ALDH2: variants seen among roughly 807,000 people sequenced by gnomAD.
ALDH2 encodes the protein aldehyde dehydrogenase 2 family member, also known as aldehyde dehydrogenase, mitochondrial.
ALDH2 carries 44 observed loss-of-function variants against 59.6 expected under a neutral mutation model. That is an observed-to-expected ratio of 0.74 (90% CI 0.58 to 0.95). The LOEUF is 0.95. Ranked by LOEUF, ALDH2 falls within the 40% of genes least tolerant of loss-of-function variation. The pLI, the probability that ALDH2 is intolerant of heterozygous loss-of-function variation, is 0.00. For missense variants in ALDH2, 570 were observed against 696.3 expected, an observed-to-expected ratio of 0.82 and a Z score of 2.04; for synonymous variants, 291 against 284.0, an observed-to-expected ratio of 1.02 and a Z score of -0.25.
chr12:111,799,774 C>T (rs1324423035), intron 10 of ALDH2, 132 bp from the exon 11 acceptor site: 7 of 1,127,422 alleles, frequency 6.2e-6, no homozygotes, highest in Non-Finnish European at 8.6e-6. Flanking sequence ...TGGCTGTTGT[C>T]TTCCCCTGGA....
chr12:111,796,515 G>T (rs112409341), intron 9 of ALDH2, among the ~76,000 whole-genome samples: 165 of 152,124 alleles, frequency 1.1e-3, no homozygotes, highest in African/African-American at 3.8e-3. Context: ...TTAAAAAAAG[G>T]TATTTAATGT....
Position 111,803,915 on chromosome 12 carries a change from C to A in ALDH2, c.1463C>A (p.Ser488Ter). The change falls in exon 12 of 13, where the codon TCG becomes TAG. Residue 488 changes from serine (S) to a stop codon, truncating the protein, a stop_gained. Transcript: ENST00000261733. LOFTEE classifies it high-confidence loss of function. ...AQSPFGGYKM[S>*]GSGRELGEYG... Reference sequence around the variant, plus strand: ...TCACCCTTTGGTGGCTACAAGATGTCGGGGAGTGGCCGGGAGTTGGGCGAG... The same window carrying A: ...TCACCCTTTGGTGGCTACAAGATGTAGGGGAGTGGCCGGGAGTTGGGCGAG... 1 of 1,613,190 alleles carries A rather than the reference C, an allele frequency of 6.2e-7. No homozygotes were observed. The highest frequency in any genetic ancestry group is 1.1e-5 in the South Asian group (1 of 90,938).
chr12:111,784,079 G>A (rs913552729), intron 3 of ALDH2, among the ~76,000 whole-genome samples: 2 of 152,178 alleles, frequency 1.3e-5, no homozygotes, highest in Non-Finnish European at 1.5e-5. Flanking sequence ...CATGGCATGC[G>A]GTGTCCTTAG....
At chr12:111,794,915 C>T (rs993635859) in intron 9 of ALDH2, among the ~76,000 whole-genome samples, 24 of 152,152 alleles carry the variant, frequency 1.6e-4, no homozygotes, top group Non-Finnish European at 3.5e-4. Flanking sequence ...CAACTTTGTG[C>T]AACCATCACC....
chr12:111,809,469 C>T, intron 12 of ALDH2, 74 bp from the exon 13 acceptor site: 1 of 1,545,258 alleles, frequency 6.5e-7, no homozygotes, highest in Non-Finnish European at 8.9e-7. Flanking sequence ...CACACTTAGT[C>T]AGCTCCTAGC....
At chr12:111,800,529 A>G (rs183223873) in intron 11 of ALDH2, among the ~76,000 whole-genome samples, 2 of 152,070 alleles carry the variant, frequency 1.3e-5, no homozygotes, top group African/African-American at 2.4e-5. Flanking sequence ...GGCTCAAGCA[A>G]TCCTCCCACC....
chr12:111,801,923 G>A (rs1216500661), intron 11 of ALDH2, among the ~76,000 whole-genome samples: 3 of 152,102 alleles, frequency 2.0e-5, no homozygotes, highest in Non-Finnish European at 4.4e-5. Flanking sequence ...ACACAACACT[G>A]TGAATATGCT....
At chr12:111,808,433 G>A (rs887694106) in intron 12 of ALDH2, among the ~76,000 whole-genome samples, 4 of 152,122 alleles carry the variant, frequency 2.6e-5, no homozygotes, top group East Asian at 1.9e-4. Context: ...GGCCAGGCGC[G>A]GTGGCTCACG....
At chr12:111,781,170 G>A (rs2068269150) in intron 1 of ALDH2, among the ~76,000 whole-genome samples, 1 of 152,134 alleles carries the variant, frequency 6.6e-6, no homozygotes, top group African/African-American at 2.4e-5. Flanking sequence ...AATTTGTGTG[G>A]GAGTGGAATA....
rs559288526 is a variant in ALDH2 at position 111,816,917 on chromosome 12, C to A, written c.*7342C>A. On this transcript the variant is annotated 3_prime_UTR_variant, in exon 13 of 13. Coordinates refer to ENST00000261733, the MANE Select transcript of ALDH2 (RefSeq NM_000690.4). ...TGATGTTGGATGTGCAAGCTCCCTG[C>A]AAATGGGCTTTCACAAGGTCCCATG... 1 of 152,286 alleles carries A rather than the reference C, an allele frequency of 6.6e-6. No homozygotes were observed. The highest frequency in any genetic ancestry group is 2.4e-5 in the African/African-American group (1 of 41,552). 9.4% of individuals were successfully genotyped at this position (152,286 alleles called of 1,614,324 possible).
chr12:111,780,797 G>A (rs576865880), intron 1 of ALDH2, among the ~76,000 whole-genome samples: 3 of 152,290 alleles, frequency 2.0e-5, no homozygotes, highest in African/African-American at 7.2e-5. Context: ...GCCCATCGCA[G>A]GTGTTCATTA....
intron 3 of ALDH2, among the ~76,000 whole-genome samples, chr12:111,783,528 G>C (rs1399508390): frequency 6.6e-6 from 1 of 152,076 alleles, no homozygotes; most frequent in African/African-American, 2.4e-5. Flanking sequence ...TTGCTTTTTT[G>C]AGATGGAGTC....
intron 1 of ALDH2, among the ~76,000 whole-genome samples, chr12:111,770,302 A>G (rs979952158): frequency 1.1e-4 from 17 of 152,202 alleles, no homozygotes; most frequent in African/African-American, 4.1e-4. Flanking sequence ...CTGGGATAAC[A>G]GTGACGCTGT....
intron 4 of ALDH2, among the ~76,000 whole-genome samples, chr12:111,786,951 T>C (rs1007887945): frequency 4.6e-5 from 7 of 152,010 alleles, no homozygotes; most frequent in African/African-American, 1.7e-4. Flanking sequence ...ACACCTGTAA[T>C]CCTAGCACTT....
intron 1 of ALDH2, 151 bp downstream of exon 1, chr12:111,767,247 C>T (rs1455286987): frequency 3.3e-6 from 2 of 598,204 alleles, no homozygotes; most frequent in African/African-American, 2.0e-5. Flanking sequence ...CTGCCCCCTC[C>T]TCTCCTGCAA....
intron 9 of ALDH2, among the ~76,000 whole-genome samples, chr12:111,794,901 T>C (rs1242506324): frequency 6.6e-6 from 1 of 152,140 alleles, no homozygotes; most frequent in African/African-American, 2.4e-5. Flanking sequence ...TTTTAGTATA[T>C]TCACAACTTT....
At position 111,785,375 on chromosome 12, in the gene ALDH2, T is replaced by C. The variant is rs1649027386; in HGVS notation, c.440+29T>C. Reference sequence around the variant, plus strand: ...TGGGCTCAGCTTTCCTGTTCTTTGTTCTGGCAGGGGAAAAGGGGAGGCAAC... The same window carrying C: ...TGGGCTCAGCTTTCCTGTTCTTTGTCCTGGCAGGGGAAAAGGGGAGGCAAC... On this transcript the variant is annotated intron_variant, in intron 4 of 12. Transcript: ENST00000261733. 4 of 1,595,976 alleles carry C rather than the reference T, an allele frequency of 2.5e-6. No individual in the cohort carries two copies. The South Asian group carries it at 4.4e-5, about 18-fold the overall frequency.
In ALDH2 at chr12:111,781,907, T is replaced by C. The variant is rs767867409; in HGVS notation, c.115-11T>C. 1.1e-5 allele frequency: 17 copies of C among 1,608,022 alleles called. No homozygotes were observed. The highest frequency in any genetic ancestry group is 1.7e-5 in the Admixed American group (1 of 59,954). On this transcript the variant is annotated splice_polypyrimidine_tract_variant and intron_variant, in intron 1 of 12. Coordinates refer to ENST00000261733, the MANE Select transcript of ALDH2 (RefSeq NM_000690.4). ...AGCTGGTCCTGAGAACTTCTTTCCT[T>C]CTCATTGTAGATTTTCATAAACAAT...
In ALDH2 at chr12:111,800,034, G is replaced by A. The variant is rs2068438421; in HGVS notation, c.1377G>A (p.Leu459=). The A allele has an allele frequency of 6.2e-7, 1 of 1,613,264 alleles. No homozygotes were observed. Among genetic ancestry groups the A allele is most frequent in the Admixed American group, 1.7e-5 (1 of 59,958 alleles). ...FTKDLDKANY[L]SQALQAGTVW... ...AGGATTTGGACAAGGCCAATTACCTGTCCCAGGCCCTCCAGGCGGGCACTG... is the reference window on the plus strand; with the variant it reads ...AGGATTTGGACAAGGCCAATTACCTATCCCAGGCCCTCCAGGCGGGCACTG... The change falls in exon 11 of 13, where the codon CTG becomes CTA. Residue 459 remains leucine, a synonymous_variant. Coordinates refer to ENST00000261733, the MANE Select transcript of ALDH2 (RefSeq NM_000690.4).
Sources: gnomAD v4.1 joint callset for allele counts (sites outside exome capture counted in the v4.1 genomes callset) on GRCh38, gnomAD v4.1.1 for gene constraint, MANE v1.5 for transcripts, NCBI Gene and HGNC (gene_info 2026-07-23, HGNC 2026-07-21) for gene names.